The following SUMF1 variants were observed in gnomAD, a reference collection of about 807,000 sequenced individuals.
SUMF1 encodes sulfatase modifying factor 1.
In SUMF1, 48 loss-of-function variants were observed where a neutral mutation model predicts 47.6. The observed-to-expected ratio is 1.01, with a 90% CI of 0.80 to 1.28. The LOEUF (loss-of-function observed/expected upper bound fraction) is 1.28, where lower values mean the gene tolerates loss of function less well. SUMF1 is among the 50% of genes most tolerant of loss of function. The probability of loss-of-function intolerance (pLI) is 0.00; values close to 1 mark genes in which losing one functional copy is unlikely to be tolerated. For missense variants in SUMF1, 571 were observed against 485.4 expected, an observed-to-expected ratio of 1.18 and a Z score of -1.66; for synonymous variants, 230 against 192.1, an observed-to-expected ratio of 1.20 and a Z score of -1.63.
intron 8 of SUMF1, among the ~76,000 whole-genome samples, chr3:4,127,664 T>G (rs540176454): frequency 6.0e-4 from 91 of 152,246 alleles, no homozygotes; most frequent in South Asian, 3.5e-3. Context: ...GAGTTAATAC[T>G]TAATAAACCC....
intron 8 of SUMF1, among the ~76,000 whole-genome samples, chr3:4,109,655 C>G (rs1247290297): frequency 1.3e-5 from 2 of 152,080 alleles, no homozygotes; most frequent in Non-Finnish European, 2.9e-5. Flanking sequence ...AACTTCCCTT[C>G]TCACTTCATT....
chr3:4,133,344 A>T (rs1300867069), intron 8 of SUMF1, among the ~76,000 whole-genome samples: 1 of 152,078 alleles, frequency 6.6e-6, no homozygotes, highest in African/African-American at 2.4e-5. Flanking sequence ...TGACCTTATT[A>T]TTGTCCTTAT....
chr3:4,363,957 C>G (rs867329742), intron 8 of SUMF1, among the ~76,000 whole-genome samples: 1 of 144,394 alleles, frequency 6.9e-6, no homozygotes, highest in African/African-American at 2.6e-5. Flanking sequence ...GTGTCAAAGG[C>G]CTTTTCTGCA....
At chr3:4,120,489 C>T (rs1454510377) in intron 8 of SUMF1, among the ~76,000 whole-genome samples, 2 of 152,158 alleles carry the variant, frequency 1.3e-5, no homozygotes, top group Admixed American at 1.3e-4. Context: ...TCTTGTACAA[C>T]TCTGACCTAA....
chr3:4,367,211 C>T lies in SUMF1; in HGVS notation c.1015-4957G>A, dbSNP rs563682982. Among the ~76,000 whole-genome samples the T allele has an allele frequency of 2.0e-5, 3 of 152,310 alleles. No homozygotes were observed. In the South Asian group the frequency reaches 6.2e-4, roughly 32 times the overall value. ...GGAGGCAGTCTGCCCATTCTCAGATCTCCAGCTGCGTGCTGGGAGAACCAC... is the reference window on the plus strand; with the variant it reads ...GGAGGCAGTCTGCCCATTCTCAGATTTCCAGCTGCGTGCTGGGAGAACCAC... On this transcript the variant is annotated intron_variant, in intron 8 of 8. Transcript: ENST00000272902.
intron 8 of SUMF1, among the ~76,000 whole-genome samples, chr3:4,353,051 T>C (rs548751906): frequency 2.0e-5 from 3 of 152,252 alleles, no homozygotes; most frequent in Admixed American, 6.5e-5. Context: ...CTAGAAATCA[T>C]TGAGGACCCC....
intron 8 of SUMF1, among the ~76,000 whole-genome samples, chr3:4,170,637 T>C (rs59997053): frequency 6.6e-6 from 1 of 152,250 alleles, no homozygotes; most frequent in East Asian, 1.9e-4. Context: ...TAACAGACAA[T>C]AGATCGATGA....
intron 8 of SUMF1, among the ~76,000 whole-genome samples, chr3:4,242,385 C>A (rs1696557542): frequency 6.6e-6 from 1 of 152,086 alleles, no homozygotes; most frequent in Non-Finnish European, 1.5e-5. Context: ...CAGCTTTTGC[C>A]CATTCAGTAT....
At chr3:4,329,285 T>C (rs1699003722) in intron 8 of SUMF1, among the ~76,000 whole-genome samples, 1 of 152,234 alleles carries the variant, frequency 6.6e-6, no homozygotes, top group Non-Finnish European at 1.5e-5. Context: ...CAACCCCACA[T>C]TTCCTTTCCA....
At chr3:4,086,300 T>G (rs994127980) in intron 8 of SUMF1, among the ~76,000 whole-genome samples, 2 of 151,854 alleles carry the variant, frequency 1.3e-5, no homozygotes, top group Admixed American at 6.6e-5. Context: ...CCATCCCACA[T>G]TTATTATTTT....
intron 7 of SUMF1, among the ~76,000 whole-genome samples, chr3:4,389,928 G>T (rs1700801298): frequency 6.6e-6 from 1 of 152,012 alleles, no homozygotes; most frequent in African/African-American, 2.4e-5. Flanking sequence ...TAAAATCTTT[G>T]CTGGGTAAGT....
At chr3:4,246,630 G>A (rs569242905) in intron 8 of SUMF1, among the ~76,000 whole-genome samples, 259 of 152,202 alleles carry the variant, frequency 1.7e-3, no homozygotes, top group African/African-American at 6.0e-3. Flanking sequence ...TCAAACTCCT[G>A]ACCTCGTGAT....
Position 4,072,253 on chromosome 3 carries a change from G to A in SUMF1, c.1015-3508C>T, listed in dbSNP as rs151174695. On this transcript the variant is annotated intron_variant and NMD_transcript_variant, in intron 8 of 12. Transcript: ENST00000448413. ...AATACAAGGGGCCTGACTGTTAGAAGGAAAACTAACAAATAGAAAGGAATA... is the reference window on the plus strand; with the variant it reads ...AATACAAGGGGCCTGACTGTTAGAAAGAAAACTAACAAATAGAAAGGAATA... 9.9e-5 allele frequency among the ~76,000 whole-genome samples: 15 copies of A among 152,190 alleles called. No homozygotes were observed. In the East Asian group the frequency reaches 2.7e-3, roughly 27 times the overall value.
chr3:4,046,820 A>G (rs888484857), intron 9 of SUMF1, among the ~76,000 whole-genome samples: 3 of 151,526 alleles, frequency 2.0e-5, no homozygotes, highest in African/African-American at 4.8e-5. Flanking sequence ...TCTATATACC[A>G]TGGCAGAAGG....
intron 3 of SUMF1, among the ~76,000 whole-genome samples, chr3:4,422,400 A>C (rs1017923308): frequency 6.6e-6 from 1 of 152,182 alleles, no homozygotes; most frequent in Non-Finnish European, 1.5e-5. Context: ...AAAGCTTAAA[A>C]GAATGACAAA....
chr3:4,275,983 A>T (rs887717122), intron 8 of SUMF1, among the ~76,000 whole-genome samples: 1 of 152,210 alleles, frequency 6.6e-6, no homozygotes, highest in African/African-American at 2.4e-5. Flanking sequence ...TTCCCAAATC[A>T]GTTTCATTTC....
chr3:4,258,996 A>C (rs1216135662), intron 8 of SUMF1, among the ~76,000 whole-genome samples: 1 of 149,678 alleles, frequency 6.7e-6, no homozygotes, highest in East Asian at 1.9e-4. Context: ...CATCATTCTC[A>C]GTAAACTATC....
Position 4,455,573 on chromosome 3 carries a change from C to T in SUMF1, c.271-2524G>A, listed in dbSNP as rs1703132977. ...TCTACTAAAAATACAAAAAATTAGCCGGGTGTTGTGGCACACGCCTGTAAT... is the reference window on the plus strand; with the variant it reads ...TCTACTAAAAATACAAAAAATTAGCTGGGTGTTGTGGCACACGCCTGTAAT... On this transcript the variant is annotated intron_variant, in intron 1 of 8. Transcript: ENST00000272902. Among the ~76,000 whole-genome samples, 4 of 152,086 alleles carry T rather than the reference C, an allele frequency of 2.6e-5. No homozygotes were observed. The South Asian group carries it at 8.3e-4, about 32-fold the overall frequency.
chr3:4,161,346 C>T (rs893421153), intron 8 of SUMF1, among the ~76,000 whole-genome samples: 3 of 152,154 alleles, frequency 2.0e-5, no homozygotes, highest in African/African-American at 7.2e-5. Context: ...CTACAATCAG[C>T]AGGTGGGAAA....
Sources: allele counts gnomAD v4.1 joint callset (sites outside exome capture counted in the v4.1 genomes callset), GRCh38; gene constraint gnomAD v4.1.1; transcripts MANE v1.5; gene names NCBI Gene and HGNC (gene_info 2026-07-23, HGNC 2026-07-21).